Variants in KCNQ4 observed in about 807,000 individuals in gnomAD.
KCNQ4 encodes the protein potassium voltage-gated channel subfamily KQT member 4.
Under a neutral mutation model 72.6 loss-of-function variants are expected in KCNQ4, and 31 were observed. The observed-to-expected ratio is 0.43, with a 90% CI of 0.32 to 0.58. The LOEUF (loss-of-function observed/expected upper bound fraction) is 0.58, where lower values mean the gene tolerates loss of function less well. Ranked by LOEUF, KCNQ4 falls within the 20% of genes least tolerant of loss-of-function variation. The probability of loss-of-function intolerance (pLI) is 0.08; values close to 1 mark genes in which losing one functional copy is unlikely to be tolerated. For synonymous variants in KCNQ4, 405 were observed against 403.7 expected, an observed-to-expected ratio of 1.00 and a Z score of -0.04; for missense variants, 869 against 962.6, an observed-to-expected ratio of 0.90 and a Z score of 1.29.
In KCNQ4 at chr1:40,837,759, A is replaced by C; in HGVS notation, c.1840A>C (p.Ser614Arg). 1 of 1,612,064 alleles carries C rather than the reference A, an allele frequency of 6.2e-7. No homozygotes were observed. The highest frequency in any genetic ancestry group is 8.5e-7 in the Non-Finnish European group (1 of 1,179,282). Residue 614 changes from serine to arginine, a missense_variant, in exon 13 of 14, where the codon AGC (serine) becomes CGC (arginine). Physicochemically the swap from Ser to Arg is moderately radical, Grantham distance 110. Coordinates refer to ENST00000347132, the MANE Select transcript of KCNQ4 (RefSeq NM_004700.4). The part of the protein sequence containing the change: ...PSDAEVVDEI[S>R]MMGRVVKVEK... ...CGACGCGGAGGTGGTGGATGAAATC[A>C]GCATGATGGGACGCGTGGTCAAGGT... is the stretch of plus-strand genomic sequence containing the variant.
Position 40,800,426 on chromosome 1 carries a change from T to G in KCNQ4, c.314+16019T>G, listed in dbSNP as rs1019610611. Among the ~76,000 whole-genome samples, 3 of 152,340 alleles carry G rather than the reference T, an allele frequency of 2.0e-5. 1 individual carries two copies. Among genetic ancestry groups the G allele is most frequent in the Admixed American group, 6.5e-5 (1 of 15,300 alleles). On this transcript the variant is annotated intron_variant, in intron 1 of 13. Transcript: ENST00000347132. Reference sequence around the variant, plus strand: ...GATAGAGCAAATTTTATTTAAAAGTTTGTTAACCTGATTGAAACTTTTAAA... The same window carrying G: ...GATAGAGCAAATTTTATTTAAAAGTGTGTTAACCTGATTGAAACTTTTAAA...
rs1410332157 is a variant in KCNQ4 at position 40,835,022 on chromosome 1, G to C, written c.1669G>C (p.Asp557His). 2 of 1,613,990 alleles carry C rather than the reference G, an allele frequency of 1.2e-6. No individual in the cohort carries two copies. Among genetic ancestry groups the C allele is most frequent in the African/African-American group, 1.3e-5 (1 of 74,926 alleles). The change falls in exon 12 of 14, where the codon GAC (aspartate) becomes CAC (histidine). Residue 557 changes from aspartate (D) to histidine (H), a missense_variant. Transcript: ENST00000347132. ...RKFKETLRPY[D>H]VKDVIEQYSA... ...ATTCAAGGAGACACTGCGACCGTAC[G>C]ACGTGAAGGACGTCATTGAGCAGTA... is the stretch of plus-strand genomic sequence containing the variant.
At chr1:40,798,751 G>C (rs1477958137) in intron 1 of KCNQ4, among the ~76,000 whole-genome samples, 1 of 152,208 alleles carries the variant, frequency 6.6e-6, no homozygotes, top group Admixed American at 6.5e-5. Flanking sequence ...TGGAAGCTGG[G>C]CTGGGCTGCT....
At chr1:40,835,784 G>C (rs1267211370) in intron 12 of KCNQ4, among the ~76,000 whole-genome samples, 2 of 152,244 alleles carry the variant, frequency 1.3e-5, no homozygotes, top group Non-Finnish European at 2.9e-5. Context: ...GGGTCAGGCT[G>C]TTAGGGTTTG....
intron 1 of KCNQ4, among the ~76,000 whole-genome samples, chr1:40,790,818 G>A (rs768421298): frequency 1.2e-4 from 18 of 152,174 alleles, no homozygotes; most frequent in Non-Finnish European, 2.5e-4. Flanking sequence ...TGAGGAGGTC[G>A]CAGAGTCTGC....
chr1:40,805,369 C>T (rs1341661120), intron 1 of KCNQ4, among the ~76,000 whole-genome samples: 2 of 152,132 alleles, frequency 1.3e-5, no homozygotes, highest in Non-Finnish European at 2.9e-5. Context: ...AGCCAAGATC[C>T]TTACCATAGC....
chr1:40,812,718 C>T (rs1647964922), intron 1 of KCNQ4, among the ~76,000 whole-genome samples: 1 of 152,074 alleles, frequency 6.6e-6, no homozygotes, highest in Admixed American at 6.6e-5. Context: ...AGGTCAGAGG[C>T]GTTACTTTTT....
chr1:40,806,800 T>G (rs1191772537), intron 1 of KCNQ4, among the ~76,000 whole-genome samples: 4 of 152,182 alleles, frequency 2.6e-5, no homozygotes, highest in African/African-American at 9.7e-5. Context: ...ATGGCCCATC[T>G]CTCTGCACCT....
At chr1:40,787,900 T>A (rs1432618200) in intron 1 of KCNQ4, among the ~76,000 whole-genome samples, 2 of 152,232 alleles carry the variant, frequency 1.3e-5, no homozygotes, top group Admixed American at 6.5e-5. Flanking sequence ...AGCAAGACCC[T>A]ATCTCCCTTC....
chr1:40,818,786 A>G, intron 4 of KCNQ4, 106 bp downstream of exon 4: 3 of 1,311,764 alleles, frequency 2.3e-6, no homozygotes, highest in Admixed American at 2.0e-5. Context: ...CCGTGCTGGG[A>G]AGGGGTGTGG....
At chr1:40,804,634 G>C (rs1647700462) in intron 1 of KCNQ4, among the ~76,000 whole-genome samples, 1 of 151,588 alleles carries the variant, frequency 6.6e-6, no homozygotes. Flanking sequence ...CGGGCAACAT[G>C]GGGAGACCCT....
intron 1 of KCNQ4, among the ~76,000 whole-genome samples, chr1:40,814,045 C>A (rs1233361849): frequency 1.3e-5 from 1 of 76,956 alleles, no homozygotes; most frequent in Non-Finnish European, 2.8e-5. Context: ...CTGCGCCCGG[C>A]CTTTTTTTTT....
At chr1:40,796,915 C>CAAATAAAAAT (rs1647430209) in intron 1 of KCNQ4, among the ~76,000 whole-genome samples, 1 of 147,266 alleles carries the variant, frequency 6.8e-6, no homozygotes, top group Non-Finnish European at 1.5e-5. Context: ...GAGACTCCAT[C>CAAATAAAAAT]AAATAAATAA....
At chr1:40,810,022 T>G (rs1359235987) in intron 1 of KCNQ4, among the ~76,000 whole-genome samples, 3 of 150,930 alleles carry the variant, frequency 2.0e-5, no homozygotes, top group African/African-American at 7.3e-5. Flanking sequence ...CCAACACCAC[T>G]GCACTCCAGC....
rs1324252925 is a variant in KCNQ4 at position 40,822,493 on chromosome 1, AG to A, written c.1130+96del. On this transcript the variant is annotated intron_variant, in intron 8 of 13. Transcript: ENST00000347132. Reference sequence around the variant, plus strand: ...TGAGACTCAACCCTGGAGGGTGGAAAGGGGGTGATGGCTCCCAGGGGAGCAC... The same window carrying A: ...TGAGACTCAACCCTGGAGGGTGGAAAGGGGTGATGGCTCCCAGGGGAGCAC... The A allele has an allele frequency of 1.3e-5, 14 of 1,077,280 alleles. No individual in the cohort carries two copies. In the East Asian group the frequency reaches 3.3e-4, roughly 26 times the overall value. The allele number at this position is 1,077,280 out of a possible 1,614,324, so 66.7% of individuals were successfully genotyped here.
At chr1:40,812,381 CGAGTAGCTGGGACCACAGAT>C (rs1228886130) in intron 1 of KCNQ4, among the ~76,000 whole-genome samples, 1 of 152,148 alleles carries the variant, frequency 6.6e-6, no homozygotes, top group East Asian at 1.9e-4. Flanking sequence ...CTCAGCCTCC[CGAGTAGCTGGGACCACAGAT>C]GCACACCCCC....
chr1:40,810,686 G>A (rs2148311885), intron 1 of KCNQ4, among the ~76,000 whole-genome samples: 1 of 152,324 alleles, frequency 6.6e-6, no homozygotes, highest in African/African-American at 2.4e-5. Context: ...TGGGTATGAA[G>A]AGAGAGACCT....
At chr1:40,805,266 T>C (rs1647723247) in intron 1 of KCNQ4, 1 of 152,098 alleles carries the variant, frequency 6.6e-6, no homozygotes, top group Non-Finnish European at 1.5e-5. Context: ...TCCCCCACCA[T>C]AGTCCGTTCA....
intron 1 of KCNQ4, among the ~76,000 whole-genome samples, chr1:40,793,552 T>G (rs548496819): frequency 2.0e-5 from 3 of 151,956 alleles, no homozygotes; most frequent in Non-Finnish European, 4.4e-5. Flanking sequence ...TCCTCCTCAT[T>G]CCCTGGGCAT....
Sources: gnomAD v4.1 joint callset for allele counts (sites outside exome capture counted in the v4.1 genomes callset) on GRCh38, gnomAD v4.1.1 for gene constraint, MANE v1.5 for transcripts, NCBI Gene and HGNC (gene_info 2026-07-23, HGNC 2026-07-21) for gene names.